GRM5: variants seen among roughly 807,000 people sequenced by gnomAD.
GRM5 encodes glutamate metabotropic receptor 5, also known as metabotropic glutamate receptor 5.
Under a neutral mutation model 83.1 loss-of-function variants are expected in GRM5, and 19 were observed. The observed-to-expected ratio is 0.23, with a 90% CI of 0.16 to 0.34. GRM5 has a LOEUF of 0.34. GRM5 is among the 10% of genes least tolerant of loss of function. The pLI, the probability that GRM5 is intolerant of heterozygous loss-of-function variation, is 1.00. For synonymous variants in GRM5, 675 were observed against 633.6 expected (o/e 1.07, Z -0.98); for missense variants, 1,160 against 1,588.3 (o/e 0.73, Z 4.58).
At position 88,646,888 on chromosome 11, in the gene GRM5, T is replaced by G. The variant is rs112077991; in HGVS notation, c.1147+6280A>C. 1.2e-3 allele frequency among the ~76,000 whole-genome samples: 115 copies of G among 95,114 alleles called. 1 individual carries two copies. The highest frequency in any genetic ancestry group is 2.9e-3 in the African/African-American group (108 of 36,972). The allele number at this position is 95,114 out of a possible 152,430, so 62.4% of individuals were successfully genotyped here. On this transcript the variant is annotated intron_variant, in intron 4 of 9. Coordinates refer to ENST00000305447, the MANE Select transcript of GRM5 (RefSeq NM_001143831.3). The stretch of plus-strand genomic sequence containing the variant: ...TGAAGGAATGTTAATTTTCTAAGGT[T>G]GCCATTACAAAAAAAAAACACCACA...
chr11:88,590,403 A>G (rs1194729436), intron 7 of GRM5, among the ~76,000 whole-genome samples, 198 bp downstream of exon 7: 1 of 152,182 alleles, frequency 6.6e-6, no homozygotes, highest in African/African-American at 2.4e-5. Context: ...GAAGACAGAC[A>G]TATAGGCAGA....
chr11:88,807,063 A>C (rs1408249043), intron 3 of GRM5, among the ~76,000 whole-genome samples: 1 of 152,170 alleles, frequency 6.6e-6, no homozygotes, highest in Non-Finnish European at 1.5e-5. Context: ...TATGTTGTAC[A>C]AATTATCTGT....
intron 4 of GRM5, among the ~76,000 whole-genome samples, chr11:88,607,720 C>A (rs889472406): frequency 6.6e-6 from 1 of 152,204 alleles, no homozygotes; most frequent in Non-Finnish European, 1.5e-5. Context: ...GACACACTGA[C>A]TTTCTCCCAC....
chr11:88,763,969 C>T (rs11499566), intron 3 of GRM5, among the ~76,000 whole-genome samples: 2,470 of 151,536 alleles, frequency 0.016, 68 homozygotes, highest in African/African-American at 0.056. Context: ...GTGTTGTCTA[C>T]CAGAGACCCA....
chr11:88,579,766 T>C (rs1345632562), intron 7 of GRM5, among the ~76,000 whole-genome samples: 1 of 152,188 alleles, frequency 6.6e-6, no homozygotes, highest in East Asian at 1.9e-4. Flanking sequence ...GTACTTTGGC[T>C]TTTACTTTGA....
chr11:88,898,107 T>C (rs1945261930), intron 2 of GRM5, among the ~76,000 whole-genome samples: 1 of 151,936 alleles, frequency 6.6e-6, no homozygotes, highest in South Asian at 2.1e-4. Context: ...TCTGAGGGTT[T>C]GACAGCAATC....
rs187600267 is a variant in GRM5, at chr11:88,871,258, G to T, written c.662-21103C>A. ...CAGAGAGATTAAACAACTTACTCAA[G>T]GTCAAATAACTATTAAAGGGACACA... On this transcript the variant is annotated intron_variant, in intron 2 of 9. Transcript: ENST00000305447. 1.7e-3 allele frequency among the ~76,000 whole-genome samples: 250 copies of T among 151,446 alleles called. 1 individual carries two copies. The highest frequency in any genetic ancestry group is 5.8e-3 in the African/African-American group (239 of 41,396).
At chr11:88,817,789 C>T (rs1331194458) in intron 3 of GRM5, among the ~76,000 whole-genome samples, 1 of 152,078 alleles carries the variant, frequency 6.6e-6, no homozygotes, top group Non-Finnish European at 1.5e-5. Context: ...TTATAATAAT[C>T]ATTATGCATA....
rs146014282 is a variant in GRM5, at chr11:88,560,759, C to T, written c.2630+6294G>A. Among the ~76,000 whole-genome samples, 4 of 152,230 alleles carry T rather than the reference C, an allele frequency of 2.6e-5. No homozygotes were observed. The East Asian group carries it at 7.7e-4, about 29-fold the overall frequency. On this transcript the variant is annotated intron_variant, in intron 8 of 9. Transcript: ENST00000305447. ...AGGCACCAAGGGAGATATAAATACG[C>T]TGAAGACAGCATTAGATAGTTGTGA...
chr11:88,708,638 C>T (rs1356143504), intron 3 of GRM5, among the ~76,000 whole-genome samples: 2 of 152,046 alleles, frequency 1.3e-5, no homozygotes, highest in Non-Finnish European at 2.9e-5. Flanking sequence ...AAAAGTTCCT[C>T]CCACACTAAG....
intron 2 of GRM5, among the ~76,000 whole-genome samples, chr11:89,044,044 A>G (rs750231265): frequency 3.3e-5 from 5 of 152,200 alleles, no homozygotes; most frequent in Non-Finnish European, 7.3e-5. Context: ...GACGTCATCA[A>G]TGCAATCTGC....
rs375281551 is a variant in GRM5, at chr11:88,638,153, G to T, written c.1147+15015C>A. Among the ~76,000 whole-genome samples the T allele has an allele frequency of 9.3e-3, 1,133 of 121,820 alleles. 29 individuals carry two copies. The East Asian group carries it at 0.12, about 13-fold the overall frequency. 79.9% of individuals were successfully genotyped at this position (121,820 alleles called of 152,430 possible). A position where few individuals can be genotyped will look rare whatever the true frequency, so the allele number is the denominator to read the frequency against. ...GGGAACATCACACTCTGGGGACTGT[G>T]GTGGGGTGGGGGGAGGGGGGAGGGA... On this transcript the variant is annotated intron_variant, in intron 4 of 9. Coordinates refer to ENST00000305447, the MANE Select transcript of GRM5 (RefSeq NM_001143831.3).
chr11:88,651,658 A>G (rs746395192), intron 4 of GRM5, among the ~76,000 whole-genome samples: 1 of 152,082 alleles, frequency 6.6e-6, no homozygotes. Context: ...ATGCGTAAGC[A>G]TTTGAGGATT....
intron 3 of GRM5, among the ~76,000 whole-genome samples, chr11:88,814,090 A>T (rs1456744742): frequency 6.6e-6 from 1 of 152,240 alleles, no homozygotes; most frequent in Non-Finnish European, 1.5e-5. Flanking sequence ...CAGAAATCAG[A>T]TATACCATCC....
At chr11:88,581,934 A>G (rs1453748883) in intron 7 of GRM5, among the ~76,000 whole-genome samples, 1 of 151,876 alleles carries the variant, frequency 6.6e-6, no homozygotes, top group Non-Finnish European at 1.5e-5. Flanking sequence ...TCTTATTTTC[A>G]CATACATGAA....
chr11:88,896,588 C>A (rs1409417573), intron 2 of GRM5, among the ~76,000 whole-genome samples: 1 of 151,846 alleles, frequency 6.6e-6, no homozygotes, highest in African/African-American at 2.4e-5. Context: ...CCATAATCTG[C>A]AAGCTTGAGA....
At chr11:88,570,462 C>A (rs1420865771) in intron 7 of GRM5, among the ~76,000 whole-genome samples, 1 of 148,472 alleles carries the variant, frequency 6.7e-6, no homozygotes, top group Non-Finnish European at 1.5e-5. Context: ...GGAATTCAAC[C>A]TCTGATACTT....
At chr11:88,603,146 A>T (rs369667325) in intron 5 of GRM5, among the ~76,000 whole-genome samples, 2 of 152,342 alleles carry the variant, frequency 1.3e-5, no homozygotes, top group African/African-American at 4.8e-5. Context: ...ATTGTTCCAA[A>T]AAAAGATTAA....
intron 3 of GRM5, among the ~76,000 whole-genome samples, chr11:88,705,688 A>G: frequency 6.6e-6 from 1 of 151,372 alleles, no homozygotes; most frequent in South Asian, 2.1e-4. Context: ...CTAATCTCAT[A>G]TATATTCCAT....
Sources: allele counts gnomAD v4.1 joint callset (sites outside exome capture counted in the v4.1 genomes callset), GRCh38; gene constraint gnomAD v4.1.1; transcripts MANE v1.5; gene names NCBI Gene and HGNC (gene_info 2026-07-23, HGNC 2026-07-21).